Variants in LIPI observed in about 807,000 individuals in gnomAD.
LIPI encodes the protein lipase member I.
A neutral mutation model predicts 50.6 loss-of-function variants in LIPI; 59 were observed. The observed-to-expected ratio is 1.16, with a 90% confidence interval of 0.94 to 1.45. The LOEUF is 1.45. LIPI is among the 40% of genes most tolerant of loss of function. The pLI, the probability that LIPI is intolerant of heterozygous loss-of-function variation, is 0.00. For missense variants in LIPI, 586 were observed against 536.3 expected (o/e 1.09, Z -0.92); for synonymous variants, 203 against 178.2 (o/e 1.14, Z -1.11).
intron 7 of LIPI, among the ~76,000 whole-genome samples, chr21:14,153,445 T>G (rs972599746): frequency 1.2e-4 from 19 of 152,190 alleles, no homozygotes; most frequent in Non-Finnish European, 2.4e-4. Context: ...TAAATGGGCA[T>G]TCAGACTTGC....
intron 1 of LIPI, chr21:14,206,822 C>T: frequency 3.8e-6 from 6 of 1,593,748 alleles, no homozygotes; most frequent in Non-Finnish European, 5.2e-6. Context: ...TACCTGATCT[C>T]AGGCACACAA....
At chr21:14,132,563 T>C (rs1284056798) in intron 9 of LIPI, among the ~76,000 whole-genome samples, 1 of 152,062 alleles carries the variant, frequency 6.6e-6, no homozygotes, top group Non-Finnish European at 1.5e-5. Context: ...CTACAGGAAA[T>C]GCTCAAAGGG....
Position 14,185,950 on chromosome 21 carries a change from A to C in LIPI, c.541+11T>G, listed in dbSNP as rs745940326. Reference sequence around the variant, plus strand: ...TATGCTAAAGCAATAATTTTATAAAAATAATTTTACCTGTTATTCTTCCAA... The same window carrying C: ...TATGCTAAAGCAATAATTTTATAAACATAATTTTACCTGTTATTCTTCCAA... On this transcript the variant is annotated intron_variant, in intron 3 of 9. Coordinates refer to ENST00000681601, the MANE Select transcript of LIPI (RefSeq NM_001302998.2). 7.2e-7 allele frequency: 1 copy of C among 1,384,448 alleles called. No homozygotes were observed. Among genetic ancestry groups the C allele is most frequent in the Non-Finnish European group, 1.0e-6 (1 of 973,702 alleles). The allele number at this position is 1,384,448 out of a possible 1,614,324, so 85.8% of individuals were successfully genotyped here. A position where few individuals can be genotyped will look rare whatever the true frequency, so the allele number is the denominator to read the frequency against.
At chr21:14,187,511 A>C (rs1406319252) in intron 2 of LIPI, among the ~76,000 whole-genome samples, 1 of 152,212 alleles carries the variant, frequency 6.6e-6, no homozygotes, top group Non-Finnish European at 1.5e-5. Context: ...TCTGTAAGCA[A>C]AGGCACTGTT....
At chr21:14,207,972 T>C (rs1007031067) in intron 1 of LIPI, among the ~76,000 whole-genome samples, 5 of 152,206 alleles carry the variant, frequency 3.3e-5, no homozygotes, top group Non-Finnish European at 7.4e-5. Flanking sequence ...GACATGAATC[T>C]GGGTCTTTTA....
chr21:14,137,686 C>A (rs1034808818), intron 9 of LIPI, among the ~76,000 whole-genome samples: 1 of 152,072 alleles, frequency 6.6e-6, no homozygotes, highest in Non-Finnish European at 1.5e-5. Flanking sequence ...GGGATAATAA[C>A]TGATCCAAGA....
chr21:14,115,058 A>T (rs11701850), intron 9 of LIPI, among the ~76,000 whole-genome samples: 1 of 152,000 alleles, frequency 6.6e-6, no homozygotes, highest in African/African-American at 2.4e-5. Flanking sequence ...GACAACCAAG[A>T]CATTTTTACT....
At chr21:14,179,329 C>T (rs1054287802) in intron 4 of LIPI, among the ~76,000 whole-genome samples, 6 of 151,920 alleles carry the variant, frequency 3.9e-5, no homozygotes, top group Non-Finnish European at 1.5e-5. Flanking sequence ...TCAGAAATTT[C>T]TCGGACAGGT....
At chr21:14,113,353 A>G (rs1178194471) in intron 9 of LIPI, among the ~76,000 whole-genome samples, 7 of 152,224 alleles carry the variant, frequency 4.6e-5, no homozygotes, top group Non-Finnish European at 8.8e-5. Context: ...TCAAAAGTGA[A>G]GTGGAGACAT....
intron 9 of LIPI, among the ~76,000 whole-genome samples, chr21:14,126,694 T>C (rs2017081168): frequency 6.6e-6 from 1 of 152,208 alleles, no homozygotes; most frequent in African/African-American, 2.4e-5. Context: ...ATAAACTATA[T>C]GTAAATAGTA....
intron 9 of LIPI, among the ~76,000 whole-genome samples, chr21:14,130,787 G>T (rs1037411209): frequency 6.8e-6 from 1 of 147,592 alleles, no homozygotes; most frequent in Non-Finnish European, 1.5e-5. Flanking sequence ...TGGGACTGAG[G>T]TCTAGCCTGC....
chr21:14,191,605 T>C (rs2019679648), intron 1 of LIPI, among the ~76,000 whole-genome samples: 1 of 151,944 alleles, frequency 6.6e-6, no homozygotes, highest in South Asian at 2.1e-4. Flanking sequence ...CTATACAAAA[T>C]AAAAAGAAAA....
chr21:14,190,797 C>CTA (rs1342974090), intron 1 of LIPI, among the ~76,000 whole-genome samples: 1 of 152,120 alleles, frequency 6.6e-6, no homozygotes, highest in African/African-American at 2.4e-5. Context: ...TGTGGGAAAT[C>CTA]TATACATCCA....
chr21:14,152,809 C>T, intron 7 of LIPI, 125 bp from the exon 8 acceptor site: 1 of 558,178 alleles, frequency 1.8e-6, no homozygotes, highest in South Asian at 2.5e-5. Flanking sequence ...ATTACATATG[C>T]AAATAATATT....
chr21:14,189,362 T>C lies in LIPI; in HGVS notation c.104A>G (p.Asp35Gly). 6.2e-7 allele frequency: 1 copy of C among 1,612,038 alleles called. No individual in the cohort carries two copies. Among genetic ancestry groups the C allele is most frequent in the Non-Finnish European group, 8.5e-7 (1 of 1,178,266 alleles). ...SQLSVKDSFRDLFIPRIETIL... is the reference protein window; with the variant it reads ...SQLSVKDSFRGLFIPRIETIL... ...GGTCTCTATTCTCGGAATAAATAAA[T>C]CTCTGAAGGAATCCTTTACACTTAG... Residue 35 changes from aspartate to glycine, a missense_variant, in exon 2 of 10, where the codon GAT (aspartate) becomes GGT (glycine). Coordinates refer to ENST00000681601, the MANE Select transcript of LIPI (RefSeq NM_001302998.2).
chr21:14,184,890 A>C (rs1483686584), intron 3 of LIPI, among the ~76,000 whole-genome samples: 1 of 152,226 alleles, frequency 6.6e-6, no homozygotes, highest in East Asian at 1.9e-4. Context: ...AAAACTAATC[A>C]GAGTAAGTAA....
intron 1 of LIPI, among the ~76,000 whole-genome samples, chr21:14,193,189 G>T (rs372296625): frequency 2.0e-5 from 3 of 151,884 alleles, no homozygotes; most frequent in East Asian, 3.9e-4. Context: ...TAATGATTTT[G>T]GGCTATTATT....
chr21:14,178,419 T>C (rs1259131666), intron 4 of LIPI, among the ~76,000 whole-genome samples: 1 of 152,182 alleles, frequency 6.6e-6, no homozygotes, highest in Non-Finnish European at 1.5e-5. Flanking sequence ...GTCTAGAAAT[T>C]TACTTTTCAC....
chr21:14,181,788 A>G lies in LIPI; in HGVS notation c.613T>C (p.Phe205Leu). 2 of 1,611,542 alleles carry G rather than the reference A, an allele frequency of 1.2e-6. No homozygotes were observed. The highest frequency in any genetic ancestry group is 1.7e-6 in the Non-Finnish European group (2 of 1,178,026). The change falls in exon 4 of 10, where the codon TTT becomes CTT. Residue 205 changes from phenylalanine (F) to leucine (L), a missense_variant. Physicochemically the swap from Phe to Leu is conservative, Grantham distance 22. Transcript: ENST00000681601. ...GAGTCAGAATGGATGACATCCACAAACTTTGCATCCGTGTAATCTAATCTG... is the reference window on the plus strand; with the variant it reads ...GAGTCAGAATGGATGACATCCACAAGCTTTGCATCCGTGTAATCTAATCTG... The part of the protein sequence containing the change: ...YSRLDYTDAK[F>L]VDVIHSDSNG...
Sources: allele counts gnomAD v4.1 joint callset (sites outside exome capture counted in the v4.1 genomes callset), GRCh38; gene constraint gnomAD v4.1.1; transcripts MANE v1.5; gene names NCBI Gene and HGNC (gene_info 2026-07-23, HGNC 2026-07-21).